CEP83: variants seen among roughly 807,000 people sequenced by gnomAD.
The protein encoded by CEP83 is centrosomal protein 83, also known as centrosomal protein of 83 kDa.
In CEP83, 70 loss-of-function variants were observed where a neutral mutation model predicts 101.9. That is an observed-to-expected ratio of 0.69 (90% CI 0.57 to 0.84). The LOEUF is 0.84. Among genes scored for constraint, CEP83 ranks in the 40% least tolerant of loss-of-function variants. The pLI, the probability that CEP83 is intolerant of heterozygous loss-of-function variation, is 0.00. For synonymous variants in CEP83, 264 were observed against 267.9 expected (o/e 0.99, Z 0.14); for missense variants, 715 against 787.2 (o/e 0.91, Z 1.10).
In CEP83 at chr12:94,350,872, T is replaced by C. The variant is rs555606489; in HGVS notation, c.1344-15208A>G. Among the ~76,000 whole-genome samples, 3 of 152,234 alleles carry C rather than the reference T, an allele frequency of 2.0e-5. No homozygotes were observed. The South Asian group carries it at 6.2e-4, about 32-fold the overall frequency. On this transcript the variant is annotated intron_variant, in intron 11 of 16. Coordinates refer to ENST00000397809, the MANE Select transcript of CEP83 (RefSeq NM_016122.3). Reference sequence around the variant, plus strand: ...AAAGATGCTCGACATCACTAATCATTAGAAAGATGCAAATCAAAACTACAA... The same window carrying C: ...AAAGATGCTCGACATCACTAATCATCAGAAAGATGCAAATCAAAACTACAA...
the CEP83 span, among the ~76,000 whole-genome samples, chr12:94,278,768 T>C: frequency 3.3e-5 from 5 of 152,062 alleles, 2 homozygotes; most frequent in African/African-American, 1.2e-4. Context: ...GAGGCTGAGG[T>C]GGGCAGATCA....
chr12:94,421,817 T>C (rs976505674), intron 2 of CEP83, among the ~76,000 whole-genome samples: 2 of 152,222 alleles, frequency 1.3e-5, no homozygotes, highest in African/African-American at 2.4e-5. Flanking sequence ...GTACTAAATA[T>C]TGGAGGCAAC....
intron 1 of CEP83, among the ~76,000 whole-genome samples, chr12:94,445,758 T>C (rs1235564842): frequency 6.6e-6 from 1 of 152,208 alleles, no homozygotes; most frequent in Non-Finnish European, 1.5e-5. Flanking sequence ...TCTTCTCATA[T>C]CCTAAAGATG....
At chr12:94,383,332 T>C in intron 6 of CEP83, among the ~76,000 whole-genome samples, 1 of 152,024 alleles carries the variant, frequency 6.6e-6, no homozygotes. Flanking sequence ...CCCAATAAAC[T>C]CATGAAAAGT....
the CEP83 span, chr12:94,282,489 C>A: frequency 2.3e-6 from 2 of 860,842 alleles, no homozygotes; most frequent in Non-Finnish European, 3.8e-6. Context: ...GGACTCCCAC[C>A]CATTTCCTGG....
chr12:94,383,343 G>A (rs2061954485), intron 6 of CEP83, among the ~76,000 whole-genome samples: 1 of 152,002 alleles, frequency 6.6e-6, no homozygotes, highest in Admixed American at 6.6e-5. Context: ...CATGAAAAGT[G>A]AAAAATGCAG....
At chr12:94,339,155 G>A (rs577898711) in intron 11 of CEP83, among the ~76,000 whole-genome samples, 10 of 152,032 alleles carry the variant, frequency 6.6e-5, no homozygotes, top group East Asian at 5.8e-4. Flanking sequence ...TAGTAGAGAC[G>A]GAGTTTCTCC....
the CEP83 span, among the ~76,000 whole-genome samples, chr12:94,286,407 C>T: frequency 1.3e-5 from 2 of 152,088 alleles, no homozygotes; most frequent in African/African-American, 4.8e-5. Flanking sequence ...CAGCCACCTA[C>T]ATCTATATTT....
intron 11 of CEP83, among the ~76,000 whole-genome samples, chr12:94,341,005 T>C (rs1327081046): frequency 1.3e-5 from 2 of 152,236 alleles, no homozygotes; most frequent in Non-Finnish European, 2.9e-5. Flanking sequence ...AAAGTCCCTT[T>C]TGTTTGCTTG....
At chr12:94,276,096 T>G in the CEP83 span, among the ~76,000 whole-genome samples, 2 of 152,206 alleles carry the variant, frequency 1.3e-5, no homozygotes, top group African/African-American at 2.4e-5. Flanking sequence ...AAAAGAACAT[T>G]TATTGCCCAT....
intron 11 of CEP83, among the ~76,000 whole-genome samples, chr12:94,352,175 C>A (rs1052733505): frequency 6.6e-6 from 1 of 152,164 alleles, no homozygotes; most frequent in Non-Finnish European, 1.5e-5. Context: ...AATTCCAGCA[C>A]TTTGGGAGGC....
chr12:94,312,900 T>C lies in CEP83; in HGVS notation c.1811+14A>G, dbSNP rs1399407970. ...AATAACCACATGGGGAAGATACACA[T>C]ACAAACACATTACCTATTTAAGACC... On this transcript the variant is annotated intron_variant, in intron 15 of 16. Transcript: ENST00000397809. 3 of 1,413,338 alleles carry C rather than the reference T, an allele frequency of 2.1e-6. No homozygotes were observed. The highest frequency in any genetic ancestry group is 2.4e-5 in the South Asian group (2 of 81,900). 87.5% of individuals were successfully genotyped at this position (1,413,338 alleles called of 1,614,324 possible).
Position 94,368,396 on chromosome 12 carries a change from A to T in CEP83, c.1049-195T>A, listed in dbSNP as rs140678646. 1,208 of 534,664 alleles carry T rather than the reference A, an allele frequency of 2.3e-3. 5 individuals are homozygous for T. Among genetic ancestry groups the T allele is most frequent in the Non-Finnish European group, 3.2e-3 (991 of 307,810 alleles). The allele number at this position is 534,664 out of a possible 1,614,324, so 33.1% of individuals were successfully genotyped here. On this transcript the variant is annotated intron_variant, in intron 9 of 16. Transcript: ENST00000397809. Reference sequence around the variant, plus strand: ...ATGAAACAGGCTAAAACTCAGAGCAAATTTTCCTGTCACTGTTTATTTAGT... The same window carrying T: ...ATGAAACAGGCTAAAACTCAGAGCATATTTTCCTGTCACTGTTTATTTAGT...
At chr12:94,414,862 G>A (rs2064151147) in intron 2 of CEP83, among the ~76,000 whole-genome samples, 1 of 152,012 alleles carries the variant, frequency 6.6e-6, no homozygotes, top group African/African-American at 2.4e-5. Flanking sequence ...GTTGATATGT[G>A]ACAGCTCAAA....
chr12:94,453,458 A>C (rs1477370126), intron 1 of CEP83, among the ~76,000 whole-genome samples: 3 of 152,220 alleles, frequency 2.0e-5, no homozygotes, highest in Non-Finnish European at 2.9e-5. Context: ...TACATGCCCC[A>C]AAACACATTC....
rs757225781 is a variant in CEP83 at position 94,331,687 on chromosome 12, A to G, written c.1707+13T>C. 2.5e-6 allele frequency: 4 copies of G among 1,612,666 alleles called. No homozygotes were observed. In the African/African-American group the frequency reaches 4.0e-5, roughly 16 times the overall value. On this transcript the variant is annotated intron_variant, in intron 14 of 16. Transcript: ENST00000397809. ...ATGCCTGGCCAGAGATCACTTTAAT[A>G]AGAACCACTTGCCTTTTTCTGGGCA...
intron 1 of CEP83, among the ~76,000 whole-genome samples, chr12:94,443,638 A>G (rs2066585829): frequency 6.6e-6 from 1 of 151,954 alleles, no homozygotes; most frequent in African/African-American, 2.4e-5. Flanking sequence ...GATTACAGGC[A>G]TGCACCACGC....
In CEP83 at chr12:94,419,480, T is replaced by C. The variant is rs80164238; in HGVS notation, c.-101-6889A>G. Among the ~76,000 whole-genome samples, 1,336 of 152,274 alleles carry C rather than the reference T, an allele frequency of 8.8e-3. 22 individuals carry two copies. The highest frequency in any genetic ancestry group is 0.031 in the African/African-American group (1,284 of 41,562). On this transcript the variant is annotated intron_variant, in intron 2 of 16. Coordinates refer to ENST00000397809, the MANE Select transcript of CEP83 (RefSeq NM_016122.3). ...TAATATCCAAATGAGTGTGTCTCTA[T>C]GTGTGAGAAACTTAACATGCTGATT...
chr12:94,377,894 A>G (rs2061634428), intron 7 of CEP83, among the ~76,000 whole-genome samples: 1 of 152,254 alleles, frequency 6.6e-6, no homozygotes, highest in African/African-American at 2.4e-5. Context: ...ACAACTTTTA[A>G]TTCAGAAAAC....
Sources: gnomAD v4.1 joint callset for allele counts (sites outside exome capture counted in the v4.1 genomes callset) on GRCh38, gnomAD v4.1.1 for gene constraint, MANE v1.5 for transcripts, NCBI Gene and HGNC (gene_info 2026-07-23, HGNC 2026-07-21) for gene names.